Variants in CD86 observed in about 807,000 individuals in gnomAD.
CD86 encodes the protein CD86 molecule.
In CD86, 11 loss-of-function variants were observed where a neutral mutation model predicts 32.1. That is an observed-to-expected ratio of 0.34 (90% confidence interval 0.22 to 0.57). The LOEUF (loss-of-function observed/expected upper bound fraction) is 0.57, where lower values mean the gene tolerates loss of function less well. Among genes scored for constraint, CD86 ranks in the 20% least tolerant of loss-of-function variants. The pLI is 0.86. For synonymous variants in CD86, 137 were observed against 135.3 expected, an observed-to-expected ratio of 1.01 and a Z score of -0.09; for missense variants, 359 against 398.4, an observed-to-expected ratio of 0.90 and a Z score of 0.84.
intron 1 of CD86, among the ~76,000 whole-genome samples, chr3:122,074,927 C>T (rs561801019): frequency 6.6e-6 from 1 of 152,288 alleles, no homozygotes; most frequent in Admixed American, 6.5e-5. Flanking sequence ...CCACTGGGCT[C>T]GGCCTCTGGT....
intron 1 of CD86, among the ~76,000 whole-genome samples, chr3:122,074,336 C>T (rs1157352220): frequency 3.9e-5 from 6 of 152,196 alleles, no homozygotes; most frequent in Admixed American, 1.3e-4. Context: ...CACCTCTAAG[C>T]CACCGGTATC....
chr3:122,065,617 T>C (rs750707267), intron 1 of CD86, among the ~76,000 whole-genome samples: 14 of 152,304 alleles, frequency 9.2e-5, no homozygotes, highest in Admixed American at 5.2e-4. Context: ...GCCTCATTTA[T>C]ATGAGCTGCT....
intron 1 of CD86, among the ~76,000 whole-genome samples, chr3:122,074,856 A>G (rs2107510789): frequency 6.6e-6 from 1 of 152,276 alleles, no homozygotes; most frequent in Non-Finnish European, 1.5e-5. Context: ...CCACACAGAA[A>G]GCAGTTTCTG....
At chr3:122,104,706 CT>C (rs938963524) in intron 3 of CD86, among the ~76,000 whole-genome samples, 1 of 152,166 alleles carries the variant, frequency 6.6e-6, no homozygotes, top group Admixed American at 6.5e-5. Context: ...AGTATGTAAC[CT>C]TTTAAGCCTG....
At chr3:122,069,913 C>T (rs1254935528) in intron 1 of CD86, among the ~76,000 whole-genome samples, 1 of 152,186 alleles carries the variant, frequency 6.6e-6, no homozygotes, top group East Asian at 1.9e-4. Context: ...CCTCATTGCC[C>T]TTTCTGCTAA....
intron 5 of CD86, among the ~76,000 whole-genome samples, chr3:122,115,497 A>G (rs569524353): frequency 7.2e-5 from 11 of 152,288 alleles, no homozygotes; most frequent in Middle Eastern, 6.8e-3. Context: ...AATAGATACT[A>G]AAAATCTTAC....
chr3:122,103,678 T>C lies in CD86; in HGVS notation c.231T>C (p.Ser77=). 6.2e-7 allele frequency: 1 copy of C among 1,614,068 alleles called. No individual in the cohort carries two copies. The highest frequency in any genetic ancestry group is 8.5e-7 in the Non-Finnish European group (1 of 1,179,930). Residue 77 remains serine (S), a synonymous_variant, in exon 3 of 7, where the codon AGT becomes AGC. Coordinates refer to ENST00000330540, the MANE Select transcript of CD86 (RefSeq NM_175862.5). ...ACTTAGGCAAAGAGAAATTTGACAG[T>C]GTTCATTCCAAGTATATGGGCCGCA... ...EVYLGKEKFD[S]VHSKYMGRTS...
chr3:122,062,884 T>G (rs566826902), intron 1 of CD86, among the ~76,000 whole-genome samples: 1 of 152,314 alleles, frequency 6.6e-6, no homozygotes, highest in African/African-American at 2.4e-5. Flanking sequence ...TATTTTTAAT[T>G]GTCAGAGTTC....
chr3:122,094,709 C>T (rs1392095475), intron 2 of CD86, among the ~76,000 whole-genome samples: 3 of 83,130 alleles, frequency 3.6e-5, no homozygotes, highest in Admixed American at 1.6e-4. Flanking sequence ...TACAGTGAAG[C>T]AATTCTGTTT....
intron 1 of CD86, among the ~76,000 whole-genome samples, chr3:122,064,103 A>T (rs2072379609): frequency 6.6e-6 from 1 of 152,140 alleles, no homozygotes; most frequent in African/African-American, 2.4e-5. Flanking sequence ...TTTCACAGGC[A>T]GCTTTTGAGG....
At chr3:122,103,460 T>A in intron 2 of CD86, 52 bp from the exon 3 acceptor site, 1 of 1,241,522 alleles carries the variant, frequency 8.1e-7, no homozygotes, top group Non-Finnish European at 1.1e-6. Flanking sequence ...ATGGAGGTTT[T>A]TTCCCCTTTC....
intron 2 of CD86, among the ~76,000 whole-genome samples, chr3:122,094,113 CAA>C (rs1245421035): frequency 3.3e-5 from 5 of 152,206 alleles, no homozygotes; most frequent in Non-Finnish European, 5.9e-5. Flanking sequence ...CCCTTCTCAT[CAA>C]AGTGACCAGC....
chr3:122,115,123 A>G (rs182684763), intron 5 of CD86, among the ~76,000 whole-genome samples: 37 of 152,234 alleles, frequency 2.4e-4, no homozygotes, highest in African/African-American at 7.7e-4. Context: ...AATCCTGAGG[A>G]ATCTATCAAA....
rs193164139 is a variant in CD86 at position 122,071,453 on chromosome 3, C to A, written c.14+15950C>A. 1.5e-4 allele frequency among the ~76,000 whole-genome samples: 23 copies of A among 152,300 alleles called. 1 individual carries two copies. The highest frequency in any genetic ancestry group is 5.1e-4 in the African/African-American group (21 of 41,576). ...AAGTTTTCTCCATGTCTTTTCACAT[C>A]TTGATGGCTCATTTCTATTTATTAC... On this transcript the variant is annotated intron_variant, in intron 1 of 6. Transcript: ENST00000330540.
chr3:122,108,915 C>G (rs916146548), intron 4 of CD86, among the ~76,000 whole-genome samples: 14 of 152,166 alleles, frequency 9.2e-5, no homozygotes, highest in Non-Finnish European at 1.3e-4. Context: ...ATAGCAGGCA[C>G]GGCACAAATG....
At chr3:122,118,463 T>C (rs1387615079) in intron 6 of CD86, among the ~76,000 whole-genome samples, 1 of 152,226 alleles carries the variant, frequency 6.6e-6, no homozygotes, top group Non-Finnish European at 1.5e-5. Flanking sequence ...AAGTGGGGAA[T>C]GATAACATGT....
intron 1 of CD86, among the ~76,000 whole-genome samples, chr3:122,064,080 A>T (rs1030904260): frequency 8.5e-5 from 13 of 152,132 alleles, no homozygotes; most frequent in Non-Finnish European, 1.9e-4. Flanking sequence ...AGAAAGGGGA[A>T]GGGAAAGTGT....
At chr3:122,056,803 T>C (rs1421937261) in intron 1 of CD86, among the ~76,000 whole-genome samples, 2 of 152,194 alleles carry the variant, frequency 1.3e-5, no homozygotes, top group Non-Finnish European at 2.9e-5. Context: ...GTTATACTTG[T>C]ATGAAGAAAA....
chr3:122,107,105 T>C (rs546000177), intron 4 of CD86, among the ~76,000 whole-genome samples: 149 of 152,200 alleles, frequency 9.8e-4, no homozygotes, highest in Admixed American at 1.7e-3. Context: ...AAAATAAAAG[T>C]GACTGGTAAT....
Sources: allele counts gnomAD v4.1 joint callset (sites outside exome capture counted in the v4.1 genomes callset), GRCh38; gene constraint gnomAD v4.1.1; transcripts MANE v1.5; gene names NCBI Gene and HGNC (gene_info 2026-07-23, HGNC 2026-07-21).